The following KAZN variants were observed in gnomAD, a reference collection of about 807,000 sequenced individuals.
KAZN encodes the protein kazrin.
KAZN carries 40 observed loss-of-function variants against 87.4 expected under a neutral mutation model. The observed-to-expected ratio is 0.46, with a 90% confidence interval of 0.36 to 0.60. KAZN has a LOEUF of 0.60. Among genes scored for constraint, KAZN ranks in the 20% least tolerant of loss-of-function variants. The probability of loss-of-function intolerance (pLI) is 0.00; values close to 1 mark genes in which losing one functional copy is unlikely to be tolerated. For synonymous variants in KAZN, 466 were observed against 458.3 expected (o/e 1.02, Z -0.22); for missense variants, 898 against 1,073.9 (o/e 0.84, Z 2.29).
chr1:13,938,579 GGCAGAA>G (rs1640824501), intron 1 of KAZN, among the ~76,000 whole-genome samples: 1 of 152,114 alleles, frequency 6.6e-6, no homozygotes, highest in Non-Finnish European at 1.5e-5. Flanking sequence ...TTGGTGTCCA[GGCAGAA>G]GTCTGCTGCC....
At chr1:14,224,209 G>C (rs2100512517) in intron 2 of KAZN, among the ~76,000 whole-genome samples, 1 of 152,208 alleles carries the variant, frequency 6.6e-6, no homozygotes, top group Non-Finnish European at 1.5e-5. Flanking sequence ...CACATGAGAA[G>C]CTCAGATTTC....
chr1:14,883,697 C>T (rs1371992045), intron 1 of KAZN, among the ~76,000 whole-genome samples: 2 of 152,126 alleles, frequency 1.3e-5, no homozygotes, highest in African/African-American at 4.8e-5. Flanking sequence ...AAAGCCAGCC[C>T]ATCCCCATCA....
intron 1 of KAZN, among the ~76,000 whole-genome samples, chr1:14,940,563 C>T (rs1660941726): frequency 6.6e-6 from 1 of 152,232 alleles, no homozygotes; most frequent in Non-Finnish European, 1.5e-5. Context: ...GGCTTCTTGC[C>T]TTGATCCTCC....
intron 1 of KAZN, among the ~76,000 whole-genome samples, chr1:14,854,039 CA>C (rs780669524): frequency 3.9e-5 from 6 of 152,162 alleles, no homozygotes; most frequent in Non-Finnish European, 8.8e-5. Context: ...TGTAGAACTG[CA>C]TGTGGAAGAC....
At chr1:14,803,444 T>G (rs1646103746) in intron 1 of KAZN, among the ~76,000 whole-genome samples, 2 of 151,652 alleles carry the variant, frequency 1.3e-5, no homozygotes, top group African/African-American at 2.4e-5. Flanking sequence ...GACCAGGGAG[T>G]GAGATGCTGA....
chr1:14,721,110 C>T (rs967699780), intron 1 of KAZN, among the ~76,000 whole-genome samples: 2 of 152,198 alleles, frequency 1.3e-5, no homozygotes, highest in African/African-American at 4.8e-5. Flanking sequence ...TAACAGAGAA[C>T]CATGAAGCCC....
chr1:14,993,169 A>T (rs906921117), intron 2 of KAZN, among the ~76,000 whole-genome samples: 1 of 88,560 alleles, frequency 1.1e-5, no homozygotes, highest in Non-Finnish European at 2.5e-5. Context: ...TAAGCAATTA[A>T]AAAAAAAAAA....
intron 2 of KAZN, among the ~76,000 whole-genome samples, chr1:14,979,286 G>C (rs1211382532): frequency 1.3e-5 from 2 of 150,660 alleles, no homozygotes; most frequent in Non-Finnish European, 3.0e-5. Flanking sequence ...GTGGGCGCCT[G>C]TAATCCCAGC....
At chr1:14,690,214 C>T (rs990143900) in intron 1 of KAZN, among the ~76,000 whole-genome samples, 1 of 152,178 alleles carries the variant, frequency 6.6e-6, no homozygotes, top group Non-Finnish European at 1.5e-5. Context: ...GTCCTGCTGG[C>T]TTTTTTCCTT....
At chr1:13,981,130 A>T (rs1638686247) in intron 1 of KAZN, among the ~76,000 whole-genome samples, 1 of 21,984 alleles carries the variant, frequency 4.5e-5, no homozygotes, top group Non-Finnish European at 1.0e-4. Flanking sequence ...AACACAGATT[A>T]TATATAGTAC....
intron 1 of KAZN, among the ~76,000 whole-genome samples, chr1:14,685,374 A>G (rs1160221769): frequency 6.6e-6 from 1 of 152,218 alleles, no homozygotes; most frequent in African/African-American, 2.4e-5. Context: ...GGTCTGATGT[A>G]CAGGTGGCAG....
At chr1:14,989,957 G>A (rs1572997070) in intron 2 of KAZN, among the ~76,000 whole-genome samples, 1 of 152,168 alleles carries the variant, frequency 6.6e-6, no homozygotes, top group Admixed American at 6.5e-5. Context: ...AGCTGCCGTG[G>A]GCTGGGGTGT....
intron 1 of KAZN, among the ~76,000 whole-genome samples, chr1:13,931,447 G>GGTGT (rs61432989): frequency 0.025 from 3,787 of 149,728 alleles, 57 homozygotes; most frequent in Middle Eastern, 0.048. Context: ...CAGCCAGAGG[G>GGTGT]GTGTGTGTGT....
At chr1:14,048,441 T>C (rs1642171722) in intron 1 of KAZN, among the ~76,000 whole-genome samples, 1 of 151,536 alleles carries the variant, frequency 6.6e-6, no homozygotes, top group African/African-American at 2.4e-5. Flanking sequence ...TCTTGCTCTG[T>C]CACCCAGGCT....
chr1:14,315,946 A>G (rs1433919112), intron 2 of KAZN, among the ~76,000 whole-genome samples: 1 of 151,944 alleles, frequency 6.6e-6, no homozygotes, highest in African/African-American at 2.4e-5. Context: ...CTAATGGCAA[A>G]TATCATTTAA....
At chr1:14,894,363 G>A (rs911662518) in intron 1 of KAZN, among the ~76,000 whole-genome samples, 7 of 152,160 alleles carry the variant, frequency 4.6e-5, no homozygotes, top group Non-Finnish European at 7.3e-5. Context: ...AATCAGCTGT[G>A]CAATCCCAGA....
intron 2 of KAZN, among the ~76,000 whole-genome samples, chr1:14,297,905 C>T (rs1157387508): frequency 6.6e-6 from 1 of 152,082 alleles, no homozygotes; most frequent in Non-Finnish European, 1.5e-5. Flanking sequence ...ATTCAAATGG[C>T]CAACACATGG....
Position 15,060,287 on chromosome 1 carries a change from A to G in KAZN, c.1032A>G (p.Thr344=). ...PSDINSPRHR[T]HSLCNGDSPG... is the part of the protein sequence containing the mutation. ...ACATCAACTCCCCTCGACACCGGAC[A>G]CACTCCCTCTGCAACGTAAGGCCAG... Residue 344 remains threonine (T), a synonymous_variant, in exon 6 of 15, where the codon ACA becomes ACG. Coordinates refer to ENST00000376030, the MANE Select transcript of KAZN (RefSeq NM_201628.3). The G allele has an allele frequency of 6.2e-7, 1 of 1,614,112 alleles. No homozygotes were observed. Among genetic ancestry groups the G allele is most frequent in the African/African-American group, 1.3e-5 (1 of 75,054 alleles).
At position 13,916,467 on chromosome 1, in the gene KAZN, G is replaced by A. The variant is rs572431230; in HGVS notation, c.91+22711G>A. ...TTAGTATGGATGGTAGGTGCTCAAA[G>A]ACTGCTCTATTAATGTTCATTTTCC... is the stretch of plus-strand genomic sequence containing the variant. On this transcript the variant is annotated intron_variant, in intron 1 of 16. Transcript: ENST00000636203. Among the ~76,000 whole-genome samples the A allele has an allele frequency of 5.8e-4, 88 of 152,270 alleles. 1 individual carries two copies. Among genetic ancestry groups the A allele is most frequent in the African/African-American group, 2.1e-3 (86 of 41,546 alleles).
Sources: allele counts gnomAD v4.1 joint callset (sites outside exome capture counted in the v4.1 genomes callset), GRCh38; gene constraint gnomAD v4.1.1; transcripts MANE v1.5; gene names NCBI Gene and HGNC (gene_info 2026-07-23, HGNC 2026-07-21).